Variants in ITPR2 observed in about 807,000 individuals in gnomAD.
ITPR2 encodes inositol 1,4,5-trisphosphate receptor type 2, also known as inositol 1,4,5-trisphosphate-gated calcium channel ITPR2.
A neutral mutation model predicts 317.1 loss-of-function variants in ITPR2; 207 were observed. The ratio of observed to expected loss-of-function variants is 0.65; its 90% CI spans 0.58 to 0.73. The LOEUF is 0.73. Among genes scored for constraint, ITPR2 ranks in the 30% least tolerant of loss-of-function variants. ITPR2 has a pLI of 0.00. For synonymous variants in ITPR2, 1,156 were observed against 1,149.1 expected (o/e 1.01, Z -0.12); for missense variants, 2,613 against 3,284.0 (o/e 0.80, Z 4.99).
At chr12:26,460,041 C>A (rs917312203) in intron 45 of ITPR2, among the ~76,000 whole-genome samples, 1 of 152,254 alleles carries the variant, frequency 6.6e-6, no homozygotes, top group African/African-American at 2.4e-5. Context: ...TTTCTCTCAA[C>A]TTATGGCATT....
chr12:26,513,856 T>A (rs1943423407), intron 37 of ITPR2, among the ~76,000 whole-genome samples: 1 of 151,868 alleles, frequency 6.6e-6, no homozygotes. Flanking sequence ...AGGAGGAAAA[T>A]CAACTGACTT....
intron 55 of ITPR2, among the ~76,000 whole-genome samples, chr12:26,347,428 T>A (rs1313070670): frequency 6.6e-6 from 1 of 152,206 alleles, no homozygotes; most frequent in Non-Finnish European, 1.5e-5. Context: ...AGGCACTTTT[T>A]AATCATGCTA....
chr12:26,417,188 TTTC>T lies in ITPR2; in HGVS notation c.7111-1693_7111-1691del, dbSNP rs538432947. ...TTTTTGATATCATGTATACCACAAT[TTTC>T]TTCTAGTCCTCTAAACATCAAAATG... is the stretch of plus-strand genomic sequence containing the variant. On this transcript the variant is annotated intron_variant, in intron 50 of 56. Transcript: ENST00000381340. Among the ~76,000 whole-genome samples the T allele has an allele frequency of 1.2e-3, 179 of 152,268 alleles. 1 individual carries two copies. The highest frequency in any genetic ancestry group is 2.1e-3 in the Non-Finnish European group (140 of 68,014).
chr12:26,774,792 G>T (rs528684190), intron 2 of ITPR2, among the ~76,000 whole-genome samples: 1 of 152,288 alleles, frequency 6.6e-6, no homozygotes, highest in Non-Finnish European at 1.5e-5. Context: ...CTTTTTCTCT[G>T]CATGAGAGCT....
At chr12:26,384,966 T>C (rs944230550) in intron 55 of ITPR2, among the ~76,000 whole-genome samples, 6 of 152,210 alleles carry the variant, frequency 3.9e-5, no homozygotes, top group Admixed American at 2.6e-4. Flanking sequence ...ACAGCTTCTA[T>C]GGTCATTCTA....
At chr12:26,441,913 G>C (rs1331693235) in intron 46 of ITPR2, among the ~76,000 whole-genome samples, 3 of 151,864 alleles carry the variant, frequency 2.0e-5, no homozygotes. Flanking sequence ...ATGTATATGT[G>C]TGTATTTATA....
At chr12:26,818,097 T>C (rs994210351) in intron 1 of ITPR2, among the ~76,000 whole-genome samples, 6 of 152,254 alleles carry the variant, frequency 3.9e-5, no homozygotes, top group African/African-American at 1.4e-4. Flanking sequence ...TAAATATGTT[T>C]AAAACTAAAT....
At chr12:26,604,817 C>T (rs11048608) in intron 26 of ITPR2, among the ~76,000 whole-genome samples, 19,820 of 152,076 alleles carry the variant, frequency 0.13, 2,030 homozygotes, top group East Asian at 0.51. Flanking sequence ...TAGGAGAGGC[C>T]GGACGCAGTG....
Position 26,422,226 on chromosome 12 carries a change from T to C in ITPR2, c.6946-3013A>G, listed in dbSNP as rs549152630. On this transcript the variant is annotated intron_variant, in intron 49 of 56. Transcript: ENST00000381340. ...ATAATTTAACTAATTAGTTAAACTA[T>C]GAAGTATATATGAAAATACTACTTA... Among the ~76,000 whole-genome samples, 13 of 150,526 alleles carry C rather than the reference T, an allele frequency of 8.6e-5. No individual in the cohort carries two copies. The South Asian group carries it at 2.5e-3, about 29-fold the overall frequency.
At chr12:26,381,049 C>T (rs1939494408) in intron 55 of ITPR2, among the ~76,000 whole-genome samples, 1 of 152,140 alleles carries the variant, frequency 6.6e-6, no homozygotes, top group Admixed American at 6.6e-5. Flanking sequence ...GCATCCCCAC[C>T]CCTCTGCTAG....
intron 55 of ITPR2, among the ~76,000 whole-genome samples, chr12:26,375,403 T>G (rs1939308412): frequency 6.6e-6 from 1 of 152,228 alleles, no homozygotes. Context: ...CATTTGGGTT[T>G]GCAGCATAAT....
chr12:26,414,768 T>C (rs1940667366), intron 51 of ITPR2, among the ~76,000 whole-genome samples: 1 of 152,120 alleles, frequency 6.6e-6, no homozygotes, highest in Non-Finnish European at 1.5e-5. Context: ...CACACACTGA[T>C]AGATTTGGTC....
At chr12:26,631,180 T>C (rs377604667) in intron 22 of ITPR2, among the ~76,000 whole-genome samples, 29 of 152,306 alleles carry the variant, frequency 1.9e-4, no homozygotes, top group African/African-American at 6.5e-4. Context: ...AATTAAGGTA[T>C]CACAAAAGGT....
intron 35 of ITPR2, among the ~76,000 whole-genome samples, 188 bp from the exon 36 acceptor site, chr12:26,556,563 TTTTTGTGTGTG>T (rs2137017679): frequency 1.1e-5 from 1 of 88,938 alleles, no homozygotes; most frequent in Non-Finnish European, 2.8e-5. Flanking sequence ...TCTATTTTTT[TTTTTGTGTGTG>T]TGTGTGTGTG....
chr12:26,467,323 A>T (rs938373316), intron 45 of ITPR2, among the ~76,000 whole-genome samples: 15 of 152,114 alleles, frequency 9.9e-5, no homozygotes, highest in African/African-American at 3.6e-4. Context: ...CTGTCCTTAA[A>T]ATGCCATGGC....
chr12:26,530,338 T>C (rs1943915837), intron 37 of ITPR2, among the ~76,000 whole-genome samples: 1 of 152,196 alleles, frequency 6.6e-6, no homozygotes, highest in South Asian at 2.1e-4. Context: ...AGCCACAGAA[T>C]ACTTGAAATT....
chr12:26,729,974 A>G (rs1948999712), intron 2 of ITPR2, among the ~76,000 whole-genome samples: 1 of 152,172 alleles, frequency 6.6e-6, no homozygotes, highest in African/African-American at 2.4e-5. Flanking sequence ...TTTTTTAAAA[A>G]GGGGAGAGAG....
At chr12:26,465,119 C>T (rs1355490508) in intron 45 of ITPR2, among the ~76,000 whole-genome samples, 1 of 152,100 alleles carries the variant, frequency 6.6e-6, no homozygotes, top group Admixed American at 6.5e-5. Flanking sequence ...TTAAGAAGAC[C>T]AGAGATCCAT....
chr12:26,804,927 G>A (rs1027964160), intron 1 of ITPR2, among the ~76,000 whole-genome samples: 1 of 151,936 alleles, frequency 6.6e-6, no homozygotes, highest in Non-Finnish European at 1.5e-5. Flanking sequence ...TAGAGACGGG[G>A]TTTTGCCATG....
Sources: allele counts gnomAD v4.1 joint callset (sites outside exome capture counted in the v4.1 genomes callset), GRCh38; gene constraint gnomAD v4.1.1; transcripts MANE v1.5; gene names NCBI Gene and HGNC (gene_info 2026-07-23, HGNC 2026-07-21).